ZMAT4: variants seen among roughly 807,000 people sequenced by gnomAD.
ZMAT4 encodes zinc finger matrin-type 4, also known as zinc finger matrin-type protein 4.
A neutral mutation model predicts 28.7 loss-of-function variants in ZMAT4; 17 were observed. The observed-to-expected ratio is 0.59, with a 90% CI of 0.41 to 0.89. ZMAT4 has a LOEUF of 0.89. Ranked by LOEUF, ZMAT4 falls within the 40% of genes least tolerant of loss-of-function variation. ZMAT4 has a pLI of 0.00. For missense variants in ZMAT4, 240 were observed against 283.8 expected, an observed-to-expected ratio of 0.85 and a Z score of 1.11; for synonymous variants, 117 against 109.2, an observed-to-expected ratio of 1.07 and a Z score of -0.44.
intron 6 of ZMAT4, among the ~76,000 whole-genome samples, chr8:40,575,639 C>T (rs1413531164): frequency 6.6e-6 from 1 of 151,750 alleles, no homozygotes. Flanking sequence ...TCTACTGAGA[C>T]TCTGGGATCC....
rs1051315712 is a variant in ZMAT4, at chr8:40,612,000, A to G, written c.578-30739T>C. On this transcript the variant is annotated intron_variant, in intron 5 of 6. Transcript: ENST00000297737. The stretch of plus-strand genomic sequence containing the variant: ...TTGAAAGGCTGGAGTAGTCCAGCAC[A>G]TGGGAGGAGCATGGGCATTGGGATG... 6.6e-5 allele frequency among the ~76,000 whole-genome samples: 10 copies of G among 152,208 alleles called. 1 individual carries two copies. The highest frequency in any genetic ancestry group is 5.2e-4 in the Admixed American group (8 of 15,282).
rs143044725 is a variant in ZMAT4 at position 40,558,015 on chromosome 8, A to C, written c.674+23150T>G. ...TTGGGTTGACAAGAAGGGGCTAGTCATGTGATGACTGGGGGCAGTGCACAT... is the reference window on the plus strand; with the variant it reads ...TTGGGTTGACAAGAAGGGGCTAGTCCTGTGATGACTGGGGGCAGTGCACAT... On this transcript the variant is annotated intron_variant, in intron 6 of 6. Transcript: ENST00000297737. Among the ~76,000 whole-genome samples, 216 of 152,296 alleles carry C rather than the reference A, an allele frequency of 1.4e-3. 1 individual carries two copies. The highest frequency in any genetic ancestry group is 5.1e-3 in the African/African-American group (213 of 41,574).
At chr8:40,694,064 C>T (rs528160824) in intron 4 of ZMAT4, among the ~76,000 whole-genome samples, 3 of 151,474 alleles carry the variant, frequency 2.0e-5, no homozygotes, top group East Asian at 3.9e-4. Flanking sequence ...TTCTGTGTTC[C>T]TTTTTTTTTC....
At chr8:40,659,649 A>G (rs970293720) in intron 5 of ZMAT4, among the ~76,000 whole-genome samples, 1 of 152,124 alleles carries the variant, frequency 6.6e-6, no homozygotes, top group African/African-American at 2.4e-5. Flanking sequence ...AAGTTCACAG[A>G]CTCACAATTT....
At chr8:40,810,463 C>A (rs1458013974) in intron 2 of ZMAT4, among the ~76,000 whole-genome samples, 1 of 152,084 alleles carries the variant, frequency 6.6e-6, no homozygotes, top group Admixed American at 6.6e-5. Flanking sequence ...CAAAGTGATA[C>A]CCCAAATTAC....
At chr8:40,661,215 C>T (rs1808179212) in intron 5 of ZMAT4, among the ~76,000 whole-genome samples, 1 of 152,202 alleles carries the variant, frequency 6.6e-6, no homozygotes, top group Admixed American at 6.5e-5. Flanking sequence ...ATTCTTTTGT[C>T]TCAGCCTCCT....
At chr8:40,691,794 T>C (rs1022686833) in intron 4 of ZMAT4, among the ~76,000 whole-genome samples, 1 of 152,178 alleles carries the variant, frequency 6.6e-6, no homozygotes, top group African/African-American at 2.4e-5. Flanking sequence ...CTTTAACAAA[T>C]TGAGGGCTGA....
At chr8:40,853,988 T>G (rs1461383154) in intron 1 of ZMAT4, among the ~76,000 whole-genome samples, 1 of 152,168 alleles carries the variant, frequency 6.6e-6, no homozygotes, top group Admixed American at 6.5e-5. Context: ...AGGACACTTT[T>G]ACTCATGGAA....
intron 3 of ZMAT4, among the ~76,000 whole-genome samples, chr8:40,740,203 G>A (rs989400716): frequency 3.9e-5 from 6 of 152,216 alleles, no homozygotes; most frequent in South Asian, 4.2e-4. Context: ...GGTATTTCTT[G>A]AGGAATTGCC....
chr8:40,818,324 G>A (rs1045420635), intron 2 of ZMAT4, among the ~76,000 whole-genome samples: 2 of 152,156 alleles, frequency 1.3e-5, no homozygotes, highest in Non-Finnish European at 2.9e-5. Flanking sequence ...CAATAAAATG[G>A]ACAAGGAAAC....
intron 1 of ZMAT4, among the ~76,000 whole-genome samples, chr8:40,859,558 T>A (rs1191286109): frequency 1.3e-5 from 2 of 152,148 alleles, no homozygotes; most frequent in Non-Finnish European, 2.9e-5. Context: ...TTCAGTGGGC[T>A]TTTAACATAA....
At chr8:40,814,480 T>G (rs1299223156) in intron 2 of ZMAT4, among the ~76,000 whole-genome samples, 2 of 152,238 alleles carry the variant, frequency 1.3e-5, no homozygotes, top group African/African-American at 2.4e-5. Context: ...GCAACTGATA[T>G]GTGCATCACT....
intron 3 of ZMAT4, among the ~76,000 whole-genome samples, chr8:40,722,915 C>G (rs1320674901): frequency 1.3e-5 from 2 of 152,192 alleles, no homozygotes; most frequent in Non-Finnish European, 2.9e-5. Flanking sequence ...ATTCTCAACA[C>G]AAGAATGGCT....
chr8:40,858,262 CAAT>C (rs1425606970), intron 1 of ZMAT4, among the ~76,000 whole-genome samples: 1 of 152,168 alleles, frequency 6.6e-6, no homozygotes, highest in Admixed American at 6.5e-5. Flanking sequence ...ACAGGGAAAT[CAAT>C]GGGGGTGAGG....
chr8:40,872,597 G>A (rs939679588), intron 1 of ZMAT4, among the ~76,000 whole-genome samples: 2 of 152,194 alleles, frequency 1.3e-5, no homozygotes, highest in East Asian at 1.9e-4. Context: ...TGCCAAGGGT[G>A]GCACAGTGGA....
At chr8:40,850,735 GACA>G (rs1377728126) in intron 1 of ZMAT4, among the ~76,000 whole-genome samples, 18 of 152,070 alleles carry the variant, frequency 1.2e-4, no homozygotes, top group Non-Finnish European at 1.9e-4. Context: ...ACTCCCCAGA[GACA>G]TTACGTAAAC....
intron 2 of ZMAT4, among the ~76,000 whole-genome samples, chr8:40,816,813 A>G (rs1815559132): frequency 6.6e-6 from 1 of 152,220 alleles, no homozygotes; most frequent in Non-Finnish European, 1.5e-5. Context: ...AGAAGTCAGA[A>G]TGCAACTGAC....
intron 5 of ZMAT4, among the ~76,000 whole-genome samples, chr8:40,666,716 T>C (rs1321221226): frequency 6.6e-6 from 1 of 152,120 alleles, no homozygotes; most frequent in Non-Finnish European, 1.5e-5. Context: ...CAATACAATG[T>C]ATACTAGGGT....
intron 4 of ZMAT4, among the ~76,000 whole-genome samples, chr8:40,688,681 G>GT (rs1809529458): frequency 6.6e-6 from 1 of 152,114 alleles, no homozygotes; most frequent in Non-Finnish European, 1.5e-5. Context: ...CTGAAGGCTG[G>GT]TAAAGTGAGG....
Sources: allele counts gnomAD v4.1 joint callset (sites outside exome capture counted in the v4.1 genomes callset), GRCh38; gene constraint gnomAD v4.1.1; transcripts MANE v1.5; gene names NCBI Gene and HGNC (gene_info 2026-07-23, HGNC 2026-07-21).